Variants in MACROD2 observed in about 807,000 individuals in gnomAD.
MACROD2 encodes the protein mono-ADP ribosylhydrolase 2, also known as ADP-ribose glycohydrolase MACROD2.
Under a neutral mutation model 70.4 loss-of-function variants are expected in MACROD2, and 36 were observed. The observed-to-expected ratio is 0.51, with a 90% CI of 0.39 to 0.68. The LOEUF is 0.68. Ranked by LOEUF, MACROD2 falls within the 30% of genes least tolerant of loss-of-function variation. MACROD2 has a pLI of 0.00. For missense variants in MACROD2, 496 were observed against 538.4 expected, an observed-to-expected ratio of 0.92 and a Z score of 0.78; for synonymous variants, 172 against 178.8, an observed-to-expected ratio of 0.96 and a Z score of 0.30.
intron 3 of MACROD2, among the ~76,000 whole-genome samples, chr20:14,238,634 A>G (rs973723717): frequency 3.3e-5 from 5 of 152,148 alleles, no homozygotes; most frequent in Admixed American, 2.0e-4. Flanking sequence ...TTTGCAGACA[A>G]TATCATTCTA....
chr20:16,050,036 C>T lies in MACROD2; in HGVS notation c.*160C>T. 3.5e-6 allele frequency: 2 copies of T among 578,624 alleles called. No individual in the cohort carries two copies. The highest frequency in any genetic ancestry group is 5.6e-6 in the Non-Finnish European group (2 of 356,528). The allele number at this position is 578,624 out of a possible 1,614,324, so 35.8% of individuals were successfully genotyped here. A position where few individuals can be genotyped will look rare whatever the true frequency, so the allele number is the denominator to read the frequency against. On this transcript the variant is annotated 3_prime_UTR_variant, in exon 18 of 18. Coordinates refer to ENST00000684519, the MANE Select transcript of MACROD2 (RefSeq NM_001351661.2). ...TCCAGCTGCATTTTGTTCCGTTTATCTGCAGAAAAAGAAAGAAAAAAAAGA... is the reference window on the plus strand; with the variant it reads ...TCCAGCTGCATTTTGTTCCGTTTATTTGCAGAAAAAGAAAGAAAAAAAAGA...
chr20:14,278,992 G>T (rs1395073531), intron 3 of MACROD2, among the ~76,000 whole-genome samples: 1 of 152,144 alleles, frequency 6.6e-6, no homozygotes, highest in African/African-American at 2.4e-5. Context: ...GAGGAGCTGG[G>T]GGTAATGTAG....
intron 3 of MACROD2, among the ~76,000 whole-genome samples, chr20:14,348,278 A>AAAAAAAAT (rs755694830): frequency 6.9e-6 from 1 of 143,930 alleles, no homozygotes; most frequent in Non-Finnish European, 1.5e-5. Context: ...CAAAAAAAAA[A>AAAAAAAAT]AAATAAATAA....
chr20:16,019,684 G>A (rs2066976268), intron 15 of MACROD2, among the ~76,000 whole-genome samples: 1 of 152,188 alleles, frequency 6.6e-6, no homozygotes, highest in Non-Finnish European at 1.5e-5. Context: ...GCATCACCTG[G>A]TAATTTGTTA....
chr20:15,650,435 A>G (rs1249287840), intron 8 of MACROD2, among the ~76,000 whole-genome samples: 9 of 152,128 alleles, frequency 5.9e-5, no homozygotes, highest in African/African-American at 1.9e-4. Context: ...TTTCTCTCAC[A>G]CTTTTGTTAT....
chr20:16,010,507 T>A (rs966625867), intron 15 of MACROD2, among the ~76,000 whole-genome samples: 2 of 152,200 alleles, frequency 1.3e-5, no homozygotes, highest in Non-Finnish European at 2.9e-5. Context: ...AACAATAAAG[T>A]CAGTTCTAAG....
intron 10 of MACROD2, among the ~76,000 whole-genome samples, chr20:15,891,219 A>C (rs576524685): frequency 1.5e-4 from 23 of 152,146 alleles, no homozygotes; most frequent in African/African-American, 5.3e-4. Context: ...GTGTTGGAGG[A>C]GTGGGGGTGA....
At chr20:14,272,981 C>T (rs990846431) in intron 3 of MACROD2, among the ~76,000 whole-genome samples, 2 of 151,560 alleles carry the variant, frequency 1.3e-5, no homozygotes, top group Non-Finnish European at 2.9e-5. Context: ...CAGGAGCACC[C>T]AGATTCATAA....
intron 4 of MACROD2, among the ~76,000 whole-genome samples, chr20:14,499,258 C>T (rs907393730): frequency 1.3e-5 from 2 of 152,134 alleles, no homozygotes; most frequent in East Asian, 1.9e-4. Flanking sequence ...CGGCCAGGCA[C>T]GGTGGCTCAT....
chr20:15,934,193 G>A (rs999469656), intron 11 of MACROD2, among the ~76,000 whole-genome samples: 1 of 152,190 alleles, frequency 6.6e-6, no homozygotes, highest in African/African-American at 2.4e-5. Flanking sequence ...GAAGTAGTGA[G>A]CCCTACTGTT....
intron 8 of MACROD2, among the ~76,000 whole-genome samples, chr20:15,685,204 GCACCTTGTAC>G (rs1176166771): frequency 2.0e-5 from 3 of 152,140 alleles, no homozygotes; most frequent in East Asian, 1.9e-4. Flanking sequence ...GGATCCATCA[GCACCTTGTAC>G]CATGAAAGTT....
intron 8 of MACROD2, among the ~76,000 whole-genome samples, chr20:15,551,543 C>T (rs998356807): frequency 5.9e-5 from 9 of 152,046 alleles, no homozygotes; most frequent in Admixed American, 2.0e-4. Context: ...TTTACAGATG[C>T]GTGCCTTACA....
chr20:14,867,241 T>G (rs1358825217), intron 5 of MACROD2, among the ~76,000 whole-genome samples: 1 of 152,188 alleles, frequency 6.6e-6, no homozygotes, highest in African/African-American at 2.4e-5. Context: ...TTATTTTCTT[T>G]GAGGGAGAAG....
chr20:15,645,421 G>T (rs548890021), intron 8 of MACROD2, among the ~76,000 whole-genome samples: 1 of 152,292 alleles, frequency 6.6e-6, no homozygotes, highest in South Asian at 2.1e-4. Flanking sequence ...GAACTCTGAG[G>T]TAGTGAGACA....
At chr20:15,788,500 A>G (rs1416241289) in intron 8 of MACROD2, among the ~76,000 whole-genome samples, 1 of 152,154 alleles carries the variant, frequency 6.6e-6, no homozygotes, top group Admixed American at 6.5e-5. Context: ...CTTCTCACCA[A>G]TGTATTTGTG....
intron 5 of MACROD2, among the ~76,000 whole-genome samples, chr20:14,862,213 A>ATAAATATATATAAATATATATT (rs2073345871): frequency 2.7e-4 from 1 of 3,646 alleles, no homozygotes; most frequent in African/African-American, 8.5e-4. Context: ...ATAAATATAT[A>ATAAATATATATAAATATATATT]TATATATAAA....
At chr20:14,416,367 C>T (rs1779525941) in intron 3 of MACROD2, among the ~76,000 whole-genome samples, 1 of 152,128 alleles carries the variant, frequency 6.6e-6, no homozygotes, top group Admixed American at 6.6e-5. Flanking sequence ...AAATTAATGA[C>T]TTACTCAAAA....
intron 13 of MACROD2, chr20:15,985,710 AG>A (rs1415042675): frequency 6.6e-6 from 1 of 152,262 alleles, no homozygotes; most frequent in Non-Finnish European, 1.5e-5. Flanking sequence ...AAGCCGCCTA[AG>A]GGGCTGCCTC....
intron 5 of MACROD2, among the ~76,000 whole-genome samples, chr20:14,785,360 A>C (rs2072355512): frequency 6.6e-6 from 1 of 152,074 alleles, no homozygotes; most frequent in South Asian, 2.1e-4. Flanking sequence ...GCACACTTGT[A>C]AGCTAATCTA....
Sources: allele counts gnomAD v4.1 joint callset (sites outside exome capture counted in the v4.1 genomes callset), GRCh38; gene constraint gnomAD v4.1.1; transcripts MANE v1.5; gene names NCBI Gene and HGNC (gene_info 2026-07-23, HGNC 2026-07-21).